Variants in BID observed in about 807,000 individuals in gnomAD.
BID encodes the protein BH3-interacting domain death agonist.
A neutral mutation model predicts 17.4 loss-of-function variants in BID; 19 were observed. That is an observed-to-expected ratio of 1.09 (90% CI 0.76 to 1.60). The LOEUF is 1.60. Ranked by LOEUF, BID falls within the 40% of genes most tolerant of loss-of-function variation. The probability of loss-of-function intolerance (pLI) is 0.00; values close to 1 mark genes in which losing one functional copy is unlikely to be tolerated. For missense variants in BID, 226 were observed against 256.0 expected (o/e 0.88, Z 0.80); for synonymous variants, 108 against 102.8 (o/e 1.05, Z -0.31).
At chr22:17,748,891 A>T (rs2061516222) in intron 2 of BID, among the ~76,000 whole-genome samples, 2 of 152,240 alleles carry the variant, frequency 1.3e-5, no homozygotes, top group Admixed American at 6.5e-5. Context: ...GACACTGACA[A>T]CAAGCCTGGA....
chr22:17,753,603 G>C (rs1459082357), intron 1 of BID, among the ~76,000 whole-genome samples: 1 of 152,234 alleles, frequency 6.6e-6, no homozygotes, highest in Admixed American at 6.5e-5. Context: ...GGGCCTAGGA[G>C]GGCGTGGATG....
chr22:17,759,226 T>C, intron 1 of BID, among the ~76,000 whole-genome samples: 1 of 42,000 alleles, frequency 2.4e-5, no homozygotes, highest in Non-Finnish European at 5.8e-5. Flanking sequence ...AAAGACTCCG[T>C]CTCAAAACAA....
At chr22:17,739,565 C>A (rs540251529) in intron 3 of BID, 77 bp from the exon 4 acceptor site, 3 of 1,538,916 alleles carry the variant, frequency 1.9e-6, no homozygotes, top group East Asian at 2.3e-5. Context: ...ACCACCCTGC[C>A]CCGGGAAAGG....
At chr22:17,759,247 A>AAAAAAAAAAAAC (rs1555906732) in intron 1 of BID, among the ~76,000 whole-genome samples, 143 of 49,442 alleles carry the variant, frequency 2.9e-3, no homozygotes, top group African/African-American at 0.012. Flanking sequence ...AAAACAAAAC[A>AAAAAAAAAAAAC]AAAAAAAAAA....
intron 5 of BID, 69 bp downstream of exon 5, chr22:17,737,948 C>T: frequency 6.4e-7 from 1 of 1,557,806 alleles, no homozygotes. Flanking sequence ...CCCCGCTGGG[C>T]TTCTCAACCT....
At position 17,735,393 on chromosome 22, in the gene BID, A is replaced by G. The variant is rs1431313247; in HGVS notation, c.*187T>C. On this transcript the variant is annotated 3_prime_UTR_variant, in exon 6 of 6. Coordinates refer to ENST00000622694, the MANE Select transcript of BID (RefSeq NM_001196.4). ...TAAATGGACATTTTCATTCAAGTAT[A>G]TTAATGTAGATATTTTAAAGTGGGT... The G allele has an allele frequency of 1.6e-6, 1 of 629,848 alleles. No individual in the cohort carries two copies. The highest frequency in any genetic ancestry group is 2.8e-5 in the East Asian group (1 of 35,998). 39.0% of individuals were successfully genotyped at this position (629,848 alleles called of 1,614,324 possible). A position where few individuals can be genotyped will look rare whatever the true frequency, so the allele number is the denominator to read the frequency against.
Position 17,773,326 on chromosome 22 carries a change from G to GGGGACTGCAGGGCCCCAGGAC in BID, c.-59+1034_-59+1054dup, listed in dbSNP as rs1365445462. ...AATCTGGTCTCGGTCATCACTCCCA[G>GGGGACTGCAGGGCCCCAGGAC]GGGACTGCAGGGCCCCAGGACGGCA... On this transcript the variant is annotated intron_variant, in intron 1 of 5. Coordinates refer to ENST00000622694, the MANE Select transcript of BID (RefSeq NM_001196.4). The surrounding 1 kb of genome is among the most constrained non-coding windows in gnomAD (Gnocchi z 4.4). Among the ~76,000 whole-genome samples, 1 of 152,108 alleles carries GGGGACTGCAGGGCCCCAGGAC rather than the reference G, an allele frequency of 6.6e-6. No individual in the cohort carries two copies. Among genetic ancestry groups the GGGGACTGCAGGGCCCCAGGAC allele is most frequent in the Admixed American group, 6.5e-5 (1 of 15,278 alleles).
At chr22:17,751,652 C>A (rs919917812) in intron 1 of BID, among the ~76,000 whole-genome samples, 1 of 152,204 alleles carries the variant, frequency 6.6e-6, no homozygotes, top group Non-Finnish European at 1.5e-5. Context: ...CACTGACATG[C>A]GCATCACCCA....
intron 1 of BID, among the ~76,000 whole-genome samples, chr22:17,763,200 TA>T (rs1436852477): frequency 6.6e-6 from 1 of 150,986 alleles, no homozygotes; most frequent in African/African-American, 2.4e-5. Flanking sequence ...CTTTGAAAAA[TA>T]AAAGCATTTA....
At chr22:17,761,513 G>A (rs2061638571) in intron 1 of BID, among the ~76,000 whole-genome samples, 1 of 147,826 alleles carries the variant, frequency 6.8e-6, no homozygotes, top group Non-Finnish European at 1.5e-5. Context: ...CTCACTGCAA[G>A]CTCTGCCTCC....
At chr22:17,755,981 C>A (rs537164777) in intron 1 of BID, among the ~76,000 whole-genome samples, 96 of 152,154 alleles carry the variant, frequency 6.3e-4, no homozygotes, top group African/African-American at 2.2e-3. Context: ...AAGTCTCCTG[C>A]CTCAGCCTCC....
chr22:17,753,270 A>T (rs1007331635), intron 1 of BID, among the ~76,000 whole-genome samples: 4 of 152,078 alleles, frequency 2.6e-5, no homozygotes, highest in African/African-American at 9.7e-5. Flanking sequence ...CCAGCCCCCC[A>T]ATGGGACATT....
chr22:17,773,102 G>A lies in BID; in HGVS notation c.-59+1279C>T, dbSNP rs1324587319. ...ATCCCTGCCTTTAAACCCCAGCCACGAACTGCTGACCCCGCATTTCCTCTT... is the reference window on the plus strand; with the variant it reads ...ATCCCTGCCTTTAAACCCCAGCCACAAACTGCTGACCCCGCATTTCCTCTT... On this transcript the variant is annotated intron_variant, in intron 1 of 5. Coordinates refer to ENST00000622694, the MANE Select transcript of BID (RefSeq NM_001196.4). The surrounding 1 kb of genome is among the most constrained non-coding windows in gnomAD (Gnocchi z 4.4). Among the ~76,000 whole-genome samples the A allele has an allele frequency of 6.6e-6, 1 of 152,050 alleles. No homozygotes were observed. Among genetic ancestry groups the A allele is most frequent in the Non-Finnish European group, 1.5e-5 (1 of 68,004 alleles).
At chr22:17,758,246 G>A (rs77467630) in intron 1 of BID, among the ~76,000 whole-genome samples, 1,694 of 152,314 alleles carry the variant, frequency 0.011, 17 homozygotes, top group Non-Finnish European at 0.016. Context: ...CCAGGAGGCC[G>A]AGACCTCGCA....
In BID at chr22:17,738,517, C is replaced by T. The variant is rs563421687; in HGVS notation, c.364-288G>A. Among the ~76,000 whole-genome samples the T allele has an allele frequency of 2.0e-5, 3 of 152,268 alleles. No homozygotes were observed. The South Asian group carries it at 6.2e-4, about 32-fold the overall frequency. Reference sequence around the variant, plus strand: ...GGTCATCCCTGCGCCCAAGGCACTTCGAGTCCAGAACTAGTGACCACCTGC... The same window carrying T: ...GGTCATCCCTGCGCCCAAGGCACTTTGAGTCCAGAACTAGTGACCACCTGC... On this transcript the variant is annotated intron_variant, in intron 4 of 5. Transcript: ENST00000622694.
At chr22:17,746,221 G>A (rs1162361393) in intron 2 of BID, among the ~76,000 whole-genome samples, 1 of 151,702 alleles carries the variant, frequency 6.6e-6, no homozygotes. Context: ...GCACTTTACA[G>A]TAGGGAGGCG....
chr22:17,761,500 T>C (rs1297808305), intron 1 of BID, among the ~76,000 whole-genome samples: 4 of 149,944 alleles, frequency 2.7e-5, no homozygotes, highest in East Asian at 2.0e-4. Flanking sequence ...GGCGTGATCT[T>C]GGCTCACTGC....
rs149456277 is a variant in BID, at chr22:17,758,031, G to A, written c.-58-7857C>T. ...GACTCTAGTTACTGCATGGCTTCCC[G>A]GATGGTTGCTAGTGACAGCACCCGG... On this transcript the variant is annotated intron_variant, in intron 1 of 5. Coordinates refer to ENST00000622694, the MANE Select transcript of BID (RefSeq NM_001196.4). Among the ~76,000 whole-genome samples, 63 of 152,348 alleles carry A rather than the reference G, an allele frequency of 4.1e-4. No individual in the cohort carries two copies. In the East Asian group the frequency reaches 9.6e-3, roughly 23 times the overall value.
intron 4 of BID, among the ~76,000 whole-genome samples, chr22:17,739,001 A>T (rs142327689): frequency 6.6e-6 from 1 of 152,290 alleles, no homozygotes; most frequent in Non-Finnish European, 1.5e-5. Context: ...AGCAGCAGGC[A>T]CCACTCCCAG....
Sources: allele counts gnomAD v4.1 joint callset (sites outside exome capture counted in the v4.1 genomes callset), GRCh38; gene constraint gnomAD v4.1.1; non-coding constraint Gnocchi (gnomAD v3.1); transcripts MANE v1.5; gene names NCBI Gene and HGNC (gene_info 2026-07-23, HGNC 2026-07-21).